LRRTM4: variants seen among roughly 807,000 people sequenced by gnomAD.
The protein encoded by LRRTM4 is leucine-rich repeat transmembrane neuronal protein 4.
LRRTM4 carries 25 observed loss-of-function variants against 47.6 expected under a neutral mutation model. That is an observed-to-expected ratio of 0.53 (90% CI 0.38 to 0.73). LRRTM4 has a LOEUF of 0.73. Among genes scored for constraint, LRRTM4 ranks in the 30% least tolerant of loss-of-function variants. LRRTM4 has a pLI of 0.00. For missense variants in LRRTM4, 638 were observed against 713.4 expected (o/e 0.89, Z 1.20); for synonymous variants, 311 against 269.5 (o/e 1.15, Z -1.51).
At chr2:77,364,298 GT>G (rs1490948149) in intron 3 of LRRTM4, among the ~76,000 whole-genome samples, 2 of 152,036 alleles carry the variant, frequency 1.3e-5, no homozygotes, top group Non-Finnish European at 1.5e-5. Flanking sequence ...TAAAAATTGA[GT>G]CTTCAAAATA....
At chr2:77,143,620 A>G (rs1370860062) in intron 3 of LRRTM4, among the ~76,000 whole-genome samples, 1 of 152,198 alleles carries the variant, frequency 6.6e-6, no homozygotes, top group African/African-American at 2.4e-5. Context: ...AAAGTGTGAA[A>G]AACTAGAAAA....
intron 3 of LRRTM4, among the ~76,000 whole-genome samples, chr2:77,425,242 A>T (rs1240487628): frequency 2.0e-5 from 3 of 152,202 alleles, no homozygotes; most frequent in Admixed American, 6.5e-5. Flanking sequence ...TTCTTGTAAG[A>T]ACTCTCTGTA....
intron 3 of LRRTM4, among the ~76,000 whole-genome samples, chr2:77,045,758 T>G (rs1679212846): frequency 6.6e-6 from 1 of 151,914 alleles, no homozygotes; most frequent in African/African-American, 2.4e-5. Flanking sequence ...CAATTAATTT[T>G]TTTTCTTTTG....
intron 3 of LRRTM4, among the ~76,000 whole-genome samples, chr2:76,840,580 C>A (rs1364910655): frequency 6.6e-6 from 1 of 152,048 alleles, no homozygotes; most frequent in East Asian, 1.9e-4. Context: ...AAGGAACAAA[C>A]GAAGTCAAAA....
chr2:76,998,333 G>T (rs116839436), intron 3 of LRRTM4, among the ~76,000 whole-genome samples: 1,891 of 152,148 alleles, frequency 0.012, 39 homozygotes, highest in African/African-American at 0.043. Context: ...TCTAACTAGA[G>T]AGCTGAGGGA....
At chr2:76,868,931 TA>T (rs2104041874) in intron 3 of LRRTM4, among the ~76,000 whole-genome samples, 1 of 152,226 alleles carries the variant, frequency 6.6e-6, no homozygotes, top group South Asian at 2.1e-4. Context: ...TCAGGAAAGA[TA>T]GGGAATTTAC....
At chr2:77,327,205 C>T (rs1434811985) in intron 3 of LRRTM4, among the ~76,000 whole-genome samples, 1 of 152,120 alleles carries the variant, frequency 6.6e-6, no homozygotes, top group Admixed American at 6.5e-5. Context: ...TAAAGTATAA[C>T]TTTGTATGAA....
At chr2:77,205,248 A>G (rs1349315271) in intron 3 of LRRTM4, among the ~76,000 whole-genome samples, 1 of 152,136 alleles carries the variant, frequency 6.6e-6, no homozygotes, top group East Asian at 1.9e-4. Flanking sequence ...GTTTTCATGG[A>G]GATTATAGTC....
At chr2:76,826,356 T>C (rs1282472434) in intron 3 of LRRTM4, among the ~76,000 whole-genome samples, 6 of 151,458 alleles carry the variant, frequency 4.0e-5, no homozygotes, top group African/African-American at 7.3e-5. Context: ...TCATGGCATA[T>C]CAGCTGTGTA....
At chr2:76,804,450 C>G (rs1675859399) in intron 3 of LRRTM4, among the ~76,000 whole-genome samples, 1 of 151,884 alleles carries the variant, frequency 6.6e-6, no homozygotes, top group South Asian at 2.1e-4. Flanking sequence ...ATTCACCATA[C>G]AGGACTGGAT....
At chr2:76,797,843 C>A (rs1178669049) in intron 3 of LRRTM4, among the ~76,000 whole-genome samples, 2 of 151,404 alleles carry the variant, frequency 1.3e-5, no homozygotes, top group Non-Finnish European at 2.9e-5. Context: ...AGACTTTAAA[C>A]CAACAAAGAT....
intron 3 of LRRTM4, among the ~76,000 whole-genome samples, chr2:76,785,564 T>G (rs1674630062): frequency 6.6e-6 from 1 of 152,130 alleles, no homozygotes; most frequent in South Asian, 2.1e-4. Flanking sequence ...TTCTAGTGTT[T>G]AGATTTTCTC....
chr2:77,407,713 ATATAT>A (rs1044881599), intron 3 of LRRTM4, among the ~76,000 whole-genome samples: 11 of 122,774 alleles, frequency 9.0e-5, no homozygotes, highest in South Asian at 2.5e-4. Context: ...ATAATATATC[ATATAT>A]TATATTATAT....
chr2:77,366,718 C>A (rs887942233), intron 3 of LRRTM4, among the ~76,000 whole-genome samples: 1 of 151,764 alleles, frequency 6.6e-6, no homozygotes, highest in African/African-American at 2.4e-5. Context: ...GAAAAGTGAT[C>A]ATTTGTTTAC....
chr2:77,214,617 T>A (rs900040426), intron 3 of LRRTM4, among the ~76,000 whole-genome samples: 2 of 152,090 alleles, frequency 1.3e-5, no homozygotes, highest in African/African-American at 4.8e-5. Context: ...TCATGTTACA[T>A]ATAATGCTTG....
At chr2:77,321,374 G>A (rs1573249329) in intron 3 of LRRTM4, among the ~76,000 whole-genome samples, 1 of 152,136 alleles carries the variant, frequency 6.6e-6, no homozygotes, top group Admixed American at 6.5e-5. Flanking sequence ...ATAAATAAGA[G>A]TATTTTCTGA....
At chr2:77,512,674 A>G (rs1288292291) in intron 3 of LRRTM4, among the ~76,000 whole-genome samples, 2 of 152,142 alleles carry the variant, frequency 1.3e-5, no homozygotes, top group Non-Finnish European at 2.9e-5. Flanking sequence ...CCTAAAGCAT[A>G]AAACTATCTC....
At chr2:76,791,175 C>A (rs755746816) in intron 3 of LRRTM4, among the ~76,000 whole-genome samples, 112 of 152,046 alleles carry the variant, frequency 7.4e-4, no homozygotes, top group Admixed American at 9.2e-4. Context: ...ATGATAGAAC[C>A]ACAGGGCATT....
At chr2:76,881,253 A>G (rs572656439) in intron 3 of LRRTM4, among the ~76,000 whole-genome samples, 112 of 152,306 alleles carry the variant, frequency 7.4e-4, no homozygotes, top group African/African-American at 2.5e-3. Flanking sequence ...AGAATTCTGT[A>G]CAGCCTAATT....
Sources: gnomAD v4.1 joint callset for allele counts (sites outside exome capture counted in the v4.1 genomes callset) on GRCh38, gnomAD v4.1.1 for gene constraint, MANE v1.5 for transcripts, NCBI Gene and HGNC (gene_info 2026-07-23, HGNC 2026-07-21) for gene names.